The following RALYL variants were observed in gnomAD, a reference collection of about 807,000 sequenced individuals.
RALYL encodes RALY RNA binding protein like, also known as RNA-binding Raly-like protein.
A neutral mutation model predicts 35.1 loss-of-function variants in RALYL; 29 were observed. That is an observed-to-expected ratio of 0.83 (90% CI 0.61 to 1.13). The LOEUF (loss-of-function observed/expected upper bound fraction) is 1.13. Ranked by LOEUF, RALYL falls within the 50% of genes most tolerant of loss-of-function variation. The pLI, the probability that RALYL is intolerant of heterozygous loss-of-function variation, is 0.00. For missense variants in RALYL, 359 were observed against 360.4 expected (o/e 1.00, Z 0.03); for synonymous variants, 120 against 127.6 (o/e 0.94, Z 0.40).
At chr8:84,503,222 G>T (rs553488480) in intron 1 of RALYL, among the ~76,000 whole-genome samples, 5 of 151,732 alleles carry the variant, frequency 3.3e-5, no homozygotes, top group Non-Finnish European at 7.4e-5. Flanking sequence ...ATCATAGCTC[G>T]CTGCAGCCTC....
intron 2 of RALYL, among the ~76,000 whole-genome samples, chr8:84,645,287 C>A (rs979734415): frequency 3.3e-5 from 5 of 151,708 alleles, no homozygotes; most frequent in Non-Finnish European, 7.4e-5. Flanking sequence ...GTTTATACTA[C>A]ATTTTAACTT....
chr8:84,452,216 G>T (rs1244565322), intron 1 of RALYL, among the ~76,000 whole-genome samples: 1 of 147,070 alleles, frequency 6.8e-6, no homozygotes, highest in African/African-American at 2.5e-5. Context: ...TGACAGCTTG[G>T]TTTGTTGTTG....
chr8:84,671,784 C>T (rs1296945188), intron 2 of RALYL, among the ~76,000 whole-genome samples: 1 of 152,196 alleles, frequency 6.6e-6, no homozygotes, highest in Non-Finnish European at 1.5e-5. Flanking sequence ...GCCTCTGGGC[C>T]TGTGATGGGA....
chr8:84,776,687 T>G (rs745755252), intron 3 of RALYL, among the ~76,000 whole-genome samples: 38 of 152,218 alleles, frequency 2.5e-4, no homozygotes, highest in Non-Finnish European at 5.3e-4. Flanking sequence ...GAGTTGCTAC[T>G]GTCTGTGCAA....
chr8:84,271,433 T>C (rs759904378), intron 1 of RALYL, among the ~76,000 whole-genome samples: 6 of 150,050 alleles, frequency 4.0e-5, no homozygotes, highest in Admixed American at 2.0e-4. Context: ...GTATTGGGGA[T>C]AGTTTGCATC....
chr8:84,690,209 G>A lies in RALYL; in HGVS notation c.257-84370G>A, dbSNP rs1837741787. Among the ~76,000 whole-genome samples the A allele has an allele frequency of 2.6e-5, 4 of 152,042 alleles. No homozygotes were observed. The South Asian group carries it at 8.3e-4, about 32-fold the overall frequency. On this transcript the variant is annotated intron_variant, in intron 2 of 8. Transcript: ENST00000521268. ...ATATTATTGAGCCTTAAAAAATGGA[G>A]GAAATCTTGTCTTTTATAACCACAT...
chr8:84,776,640 T>C (rs1816908744), intron 3 of RALYL, among the ~76,000 whole-genome samples: 1 of 148,564 alleles, frequency 6.7e-6, no homozygotes, highest in Non-Finnish European at 1.5e-5. Flanking sequence ...CAATTACTGC[T>C]AAAACAAGCT....
rs1425502244 is a variant in RALYL at position 84,664,444 on chromosome 8, T to C, written c.257-110135T>C. ...GGACAGTATGACTATTTTCATGATA[T>C]TGATTCTTCCTATCCATGAGCATGG... is the stretch of plus-strand genomic sequence containing the variant. On this transcript the variant is annotated intron_variant, in intron 2 of 8. Transcript: ENST00000521268. Among the ~76,000 whole-genome samples the C allele has an allele frequency of 2.6e-5, 4 of 152,046 alleles. No individual in the cohort carries two copies. In the East Asian group the frequency reaches 7.7e-4, roughly 29 times the overall value.
intron 2 of RALYL, among the ~76,000 whole-genome samples, chr8:84,592,804 A>G (rs941862728): frequency 8.5e-5 from 13 of 152,152 alleles, no homozygotes; most frequent in Non-Finnish European, 1.5e-5. Context: ...AATGAATATC[A>G]TATTTTCTTT....
chr8:84,806,939 A>G (rs575743649), intron 4 of RALYL, among the ~76,000 whole-genome samples: 1 of 152,168 alleles, frequency 6.6e-6, no homozygotes, highest in African/African-American at 2.4e-5. Flanking sequence ...TGAGCCCAGC[A>G]GGTCCGGGCT....
chr8:84,540,054 C>A (rs7820792), intron 2 of RALYL, among the ~76,000 whole-genome samples: 3 of 150,850 alleles, frequency 2.0e-5, no homozygotes, highest in East Asian at 3.9e-4. Flanking sequence ...TGTTTATTCC[C>A]GGTCTATTTA....
chr8:84,835,820 C>A (rs1325946042), intron 4 of RALYL, among the ~76,000 whole-genome samples: 6 of 151,120 alleles, frequency 4.0e-5, no homozygotes, highest in Non-Finnish European at 7.4e-5. Context: ...TGTCAAGATA[C>A]AAGAATGTCT....
chr8:84,456,942 G>A lies in RALYL; in HGVS notation c.-23-72357G>A, dbSNP rs534596772. On this transcript the variant is annotated intron_variant, in intron 1 of 8. Transcript: ENST00000521268. Reference sequence around the variant, plus strand: ...TACTCAATTTTAGGAGTCGCTTTGAGCATCCACACATTTCTGCAGTATACA... The same window carrying A: ...TACTCAATTTTAGGAGTCGCTTTGAACATCCACACATTTCTGCAGTATACA... 3.3e-5 allele frequency among the ~76,000 whole-genome samples: 5 copies of A among 151,982 alleles called. No individual in the cohort carries two copies. In the East Asian group the frequency reaches 9.7e-4, roughly 30 times the overall value.
chr8:84,863,185 A>C (rs1838471498), intron 6 of RALYL, among the ~76,000 whole-genome samples: 1 of 152,242 alleles, frequency 6.6e-6, no homozygotes, highest in African/African-American at 2.4e-5. Context: ...TAGGTAAAAG[A>C]ATAAACACAT....
At chr8:84,840,727 G>C (rs1563720655) in intron 4 of RALYL, among the ~76,000 whole-genome samples, 1 of 152,156 alleles carries the variant, frequency 6.6e-6, no homozygotes, top group Non-Finnish European at 1.5e-5. Flanking sequence ...AAAAGGTAGG[G>C]TTACCCACAA....
chr8:84,331,796 A>G (rs368222970), intron 1 of RALYL, among the ~76,000 whole-genome samples: 1 of 152,278 alleles, frequency 6.6e-6, no homozygotes, highest in Non-Finnish European at 1.5e-5. Context: ...CATTAAACAC[A>G]TGCTGACTTA....
intron 2 of RALYL, among the ~76,000 whole-genome samples, chr8:84,601,023 G>A (rs982230930): frequency 3.9e-5 from 6 of 152,132 alleles, no homozygotes; most frequent in African/African-American, 1.4e-4. Flanking sequence ...GATATGCAAA[G>A]ATATCTGAGA....
intron 7 of RALYL, among the ~76,000 whole-genome samples, chr8:84,883,095 T>C (rs1218363238): frequency 1.3e-5 from 2 of 152,012 alleles, no homozygotes; most frequent in African/African-American, 4.8e-5. Context: ...CACAGGCTGA[T>C]TGTATTTGTT....
intron 3 of RALYL, among the ~76,000 whole-genome samples, chr8:84,787,425 A>G (rs1443964155): frequency 1.3e-5 from 2 of 151,900 alleles, no homozygotes; most frequent in Non-Finnish European, 2.9e-5. Context: ...GTATTACTGA[A>G]GGGCATTTGG....
Sources: gnomAD v4.1 joint callset for allele counts (sites outside exome capture counted in the v4.1 genomes callset) on GRCh38, gnomAD v4.1.1 for gene constraint, MANE v1.5 for transcripts, NCBI Gene and HGNC (gene_info 2026-07-23, HGNC 2026-07-21) for gene names.